The following IQCJ variants were observed in gnomAD, a reference collection of about 807,000 sequenced individuals.
The protein encoded by IQCJ is IQ motif containing J.
IQCJ carries 9 observed loss-of-function variants against 11.0 expected under a neutral mutation model. That is an observed-to-expected ratio of 0.82 (90% CI 0.49 to 1.43). The LOEUF (loss-of-function observed/expected upper bound fraction) is 1.43. Among genes scored for constraint, IQCJ ranks in the 40% most tolerant of loss-of-function variants. IQCJ has a pLI of 0.00. For synonymous variants in IQCJ, 55 were observed against 51.3 expected (o/e 1.07, Z -0.31); for missense variants, 146 against 133.2 (o/e 1.10, Z -0.47).
At chr3:159,154,757 C>G (rs939329347) in intron 1 of IQCJ, among the ~76,000 whole-genome samples, 3 of 152,182 alleles carry the variant, frequency 2.0e-5, no homozygotes, top group African/African-American at 7.2e-5. Context: ...CAGGCTGTCT[C>G]TGATCAATGT....
intron 1 of IQCJ, among the ~76,000 whole-genome samples, chr3:159,090,264 T>G (rs191009603): frequency 0.01 from 1,519 of 151,848 alleles, 74 homozygotes; most frequent in African/African-American, 0.035. Flanking sequence ...AGGGACCCAC[T>G]TAAGGAGGCA....
intron 1 of IQCJ, among the ~76,000 whole-genome samples, chr3:159,121,294 C>T (rs866534879): frequency 5.3e-5 from 8 of 151,814 alleles, no homozygotes; most frequent in Admixed American, 2.0e-4. Flanking sequence ...TTACCATGCC[C>T]GGCTAATCAA....
chr3:159,238,721 C>T (rs945403505), intron 1 of IQCJ, among the ~76,000 whole-genome samples: 3 of 151,942 alleles, frequency 2.0e-5, no homozygotes, highest in Non-Finnish European at 4.4e-5. Flanking sequence ...GGGGTCTTCC[C>T]GAAAGAAGAA....
intron 1 of IQCJ, among the ~76,000 whole-genome samples, chr3:159,200,100 CATAAATATATAT>C (rs1318910324): frequency 5.0e-4 from 45 of 89,606 alleles, no homozygotes; most frequent in Non-Finnish European, 7.4e-4. Flanking sequence ...TGTGTTTATA[CATAAATATATAT>C]ATATATATCA....
At chr3:159,196,014 A>G (rs989678647) in intron 1 of IQCJ, among the ~76,000 whole-genome samples, 1 of 152,214 alleles carries the variant, frequency 6.6e-6, no homozygotes, top group Non-Finnish European at 1.5e-5. Flanking sequence ...ACACATTAGT[A>G]TACTTACCCT....
At chr3:159,079,253 C>A (rs1007494356) in intron 1 of IQCJ, among the ~76,000 whole-genome samples, 4 of 152,114 alleles carry the variant, frequency 2.6e-5, no homozygotes, top group African/African-American at 7.2e-5. Flanking sequence ...CACCACCTTT[C>A]CAGTTTATGA....
At chr3:159,252,862 G>A in intron 3 of IQCJ, 55 bp downstream of exon 3, 1 of 1,541,092 alleles carries the variant, frequency 6.5e-7, no homozygotes, top group East Asian at 2.3e-5. Flanking sequence ...ATGAATTCCT[G>A]AATAAATCTG....
chr3:159,212,014 T>C (rs145909749), intron 1 of IQCJ, among the ~76,000 whole-genome samples: 1 of 151,300 alleles, frequency 6.6e-6, no homozygotes, highest in African/African-American at 2.4e-5. Context: ...ATATCCTGAA[T>C]TTAAAATAAA....
chr3:159,153,082 A>G (rs1274584009), intron 1 of IQCJ, among the ~76,000 whole-genome samples: 1 of 152,180 alleles, frequency 6.6e-6, no homozygotes, highest in Non-Finnish European at 1.5e-5. Flanking sequence ...AGTATATAAT[A>G]TATTTAGGAC....
At chr3:159,212,721 G>A (rs971071240) in intron 1 of IQCJ, among the ~76,000 whole-genome samples, 6 of 152,158 alleles carry the variant, frequency 3.9e-5, no homozygotes, top group Admixed American at 3.9e-4. Flanking sequence ...GGATTAAATG[G>A]ATGAATGAAT....
chr3:159,096,036 G>C (rs1717718300), intron 1 of IQCJ, among the ~76,000 whole-genome samples: 1 of 75,606 alleles, frequency 1.3e-5, no homozygotes, highest in Admixed American at 1.5e-4. Flanking sequence ...GTTGTTTCCT[G>C]ACTTTTTAAT....
At chr3:159,126,208 T>C (rs1413794706) in intron 1 of IQCJ, among the ~76,000 whole-genome samples, 1 of 152,228 alleles carries the variant, frequency 6.6e-6, no homozygotes, top group African/African-American at 2.4e-5. Context: ...GCATCTTGCC[T>C]CTGCCAGTCC....
chr3:159,128,737 TC>T (rs1295187408), intron 1 of IQCJ, among the ~76,000 whole-genome samples: 1 of 151,646 alleles, frequency 6.6e-6, no homozygotes, highest in Non-Finnish European at 1.5e-5. Flanking sequence ...CCCTTCCCTT[TC>T]CCAAAGTTTA....
Position 159,091,672 on chromosome 3 carries a change from A to G in IQCJ, c.9+22231A>G, listed in dbSNP as rs61796003. On this transcript the variant is annotated intron_variant, in intron 1 of 3. Transcript: ENST00000397832. ...TACACACACACACACACACACACGC[A>G]TGCACACACACACACACACACACAC... Among the ~76,000 whole-genome samples the G allele has an allele frequency of 9.7e-4, 72 of 74,448 alleles. 1 individual carries two copies. The highest frequency in any genetic ancestry group is 3.0e-3 in the African/African-American group (45 of 15,192). The allele number at this position is 74,448 out of a possible 152,430, so 48.8% of individuals were successfully genotyped here.
At chr3:159,165,716 CA>C (rs1393937239) in intron 1 of IQCJ, among the ~76,000 whole-genome samples, 1 of 151,136 alleles carries the variant, frequency 6.6e-6, no homozygotes, top group Non-Finnish European at 1.5e-5. Context: ...CGGGTTCAAG[CA>C]ATTCTCCTGC....
At chr3:159,132,760 A>G (rs1013996740) in intron 1 of IQCJ, among the ~76,000 whole-genome samples, 3 of 152,172 alleles carry the variant, frequency 2.0e-5, no homozygotes, top group Admixed American at 6.5e-5. Flanking sequence ...GCATAATCTA[A>G]GTGTTGCTAT....
intron 1 of IQCJ, among the ~76,000 whole-genome samples, chr3:159,211,763 GTTTCTA>G (rs1330397862): frequency 2.0e-5 from 3 of 152,090 alleles, no homozygotes; most frequent in Non-Finnish European, 4.4e-5. Context: ...GGATCATCAA[GTTTCTA>G]TTTCTTTGCT....
chr3:159,256,511 G>A (rs1274071019), intron 3 of IQCJ, among the ~76,000 whole-genome samples: 7 of 152,102 alleles, frequency 4.6e-5, no homozygotes, highest in Admixed American at 4.6e-4. Flanking sequence ...GAGAAGAGTG[G>A]TTGAGAGCAC....
At chr3:159,186,437 T>A (rs1489277170) in intron 1 of IQCJ, among the ~76,000 whole-genome samples, 1 of 152,204 alleles carries the variant, frequency 6.6e-6, no homozygotes, top group African/African-American at 2.4e-5. Flanking sequence ...CTGTGAGTTG[T>A]TTCCTTAACA....
Sources: gnomAD v4.1 joint callset for allele counts (sites outside exome capture counted in the v4.1 genomes callset) on GRCh38, gnomAD v4.1.1 for gene constraint, MANE v1.5 for transcripts, NCBI Gene and HGNC (gene_info 2026-07-23, HGNC 2026-07-21) for gene names.